The following DNAH2 variants were observed in gnomAD, a reference collection of about 807,000 sequenced individuals.
DNAH2 encodes dynein axonemal heavy chain 2, also known as axonemal beta dynein heavy chain 2.
DNAH2 carries 323 observed loss-of-function variants against 523.5 expected under a neutral mutation model. The observed-to-expected ratio is 0.62, with a 90% CI of 0.56 to 0.68. DNAH2 has a LOEUF of 0.68. Ranked by LOEUF, DNAH2 falls within the 30% of genes least tolerant of loss-of-function variation. The pLI is 0.00. For synonymous variants in DNAH2, 2,093 were observed against 2,177.4 expected (o/e 0.96, Z 1.08); for missense variants, 4,907 against 5,701.5 (o/e 0.86, Z 4.49).
chr17:7,764,524 G>A (rs1434046918), intron 20 of DNAH2, among the ~76,000 whole-genome samples: 1 of 146,332 alleles, frequency 6.8e-6, no homozygotes, highest in East Asian at 2.1e-4. Flanking sequence ...GCAGTGGCAC[G>A]ATCTTGGCCT....
chr17:7,779,534 T>C (rs1310529341), intron 36 of DNAH2, 111 bp downstream of exon 36: 1 of 1,201,188 alleles, frequency 8.3e-7, no homozygotes, highest in Non-Finnish European at 1.2e-6. Flanking sequence ...TATAGCTAAG[T>C]GAAGTCTGGC....
rs369805347 is a variant in DNAH2 at position 7,734,575 on chromosome 17, G to A, written c.845G>A (p.Arg282His). ...CCTCTGGAGGAGATTGAGTTCTGGC[G>A]CAACCGATGCATGGACCTGTCTGGC... ...LGPLEEIEFW[R>H]NRCMDLSGIS... The change falls in exon 7 of 86, where the codon CGC becomes CAC. Residue 282 changes from arginine to histidine, a missense_variant. Physicochemically the swap from Arg to His is conservative, Grantham distance 29. Around this residue, in one of 3 missense-constraint regions of DNAH2, gnomAD observed 2,806 missense variants for 3,190.8 expected, o/e 0.88. Coordinates refer to ENST00000572933, the MANE Select transcript of DNAH2 (RefSeq NM_020877.5). 19 of 1,613,674 alleles carry A rather than the reference G, an allele frequency of 1.2e-5. No homozygotes were observed. The highest frequency in any genetic ancestry group is 1.6e-4 in the Middle Eastern group (1 of 6,084).
rs1480086733 is a variant in DNAH2 at position 7,775,342 on chromosome 17, G to C, written c.4821G>C (p.Glu1607Asp). Residue 1607 changes from glutamate (E) to aspartate (D), a missense_variant and splice_region_variant, in exon 30 of 86, where the codon GAG becomes GAC. By Grantham distance (45) the Glu-to-Asp change is conservative. This residue lies in a region of DNAH2 where 2,806 missense variants were observed against 3,190.8 expected (regional missense o/e 0.88). Transcript: ENST00000572933. ...CAGTATTTTTAGAAGGCCCTGTGGA[G>C]GTGAGTTGTGGTGAGGGTCTGAGGA... ...LHSVFLEGPV[E>D]SWLGDVEQTM... The C allele has an allele frequency of 6.2e-7, 1 of 1,608,062 alleles. No homozygotes were observed. The highest frequency in any genetic ancestry group is 8.5e-7 in the Non-Finnish European group (1 of 1,176,766).
At chr17:7,778,023 C>A in intron 33 of DNAH2, 54 bp from the exon 34 acceptor site, 4 of 1,497,966 alleles carry the variant, frequency 2.7e-6, no homozygotes, top group Non-Finnish European at 2.8e-6. Context: ...ATTGTCCCAG[C>A]TCTAACTCTC....
chr17:7,803,984 G>T (rs1312460253), intron 58 of DNAH2, among the ~76,000 whole-genome samples: 1 of 152,240 alleles, frequency 6.6e-6, no homozygotes, highest in Non-Finnish European at 1.5e-5. Flanking sequence ...AGGGGAGGTG[G>T]TGTGATGGAG....
chr17:7,741,293 T>TTCCTTC, intron 11 of DNAH2, among the ~76,000 whole-genome samples: 1 of 61,550 alleles, frequency 1.6e-5, no homozygotes, highest in Non-Finnish European at 2.9e-5. Flanking sequence ...TTTCTTTCTT[T>TTCCTTC]CTTCCTTCCT....
chr17:7,770,947 G>A lies in DNAH2; in HGVS notation c.4362+14G>A, dbSNP rs375931465. The A allele has an allele frequency of 1.4e-5, 22 of 1,610,060 alleles. No individual in the cohort carries two copies. Among genetic ancestry groups the A allele is most frequent in the South Asian group, 5.5e-5 (5 of 90,736 alleles). On this transcript the variant is annotated intron_variant, in intron 27 of 85. Coordinates refer to ENST00000572933, the MANE Select transcript of DNAH2 (RefSeq NM_020877.5). ...ATGTACTTAGAGGTCAGGACTCAGC[G>A]CCTGAGCTCTTCCTGCTTCCTGCTC... is the stretch of plus-strand genomic sequence containing the variant.
chr17:7,830,744 CT>C lies in DNAH2; in HGVS notation c.12133del (p.Tyr4045MetfsTer14). The C allele has an allele frequency of 6.2e-7, 1 of 1,614,184 alleles. No individual in the cohort carries two copies. Among genetic ancestry groups the C allele is most frequent in the Non-Finnish European group, 8.5e-7 (1 of 1,180,038 alleles). On this transcript the variant is annotated frameshift_variant, in exon 79 of 86. Transcript: ENST00000572933. LOFTEE classifies it high-confidence loss of function. ...ALKYLIAGIN[Y>X]GGHVTDDWDR... ...TTAAGTACCTCATTGCCGGCATCAA[CT>C]ATGGTGGACATGTCACAGATGACTG...
rs1456252221 is a variant in DNAH2, at chr17:7,824,625, T to A, written c.11751T>A (p.Asp3917Glu). Reference sequence around the variant, plus strand: ...TGGTGGAGCAGCTGCAGGTGGAGGATCCTCATCCATCCTTCCGCCTCTGGC... The same window carrying A: ...TGGTGGAGCAGCTGCAGGTGGAGGAACCTCATCCATCCTTCCGCCTCTGGC... Reference protein sequence around the residue: ...DKLVEQLQVEDPHPSFRLWLS... With the variant: ...DKLVEQLQVEEPHPSFRLWLS... The change falls in exon 77 of 86, where the codon GAT (aspartate) becomes GAA (glutamate). Residue 3917 changes from aspartate (D) to glutamate (E), a missense_variant. Around this residue, in one of 3 missense-constraint regions of DNAH2, gnomAD observed 1,851 missense variants for 2,139.4 expected, o/e 0.87. Coordinates refer to ENST00000572933, the MANE Select transcript of DNAH2 (RefSeq NM_020877.5). The A allele has an allele frequency of 6.2e-7, 1 of 1,608,980 alleles. No homozygotes were observed. The highest frequency in any genetic ancestry group is 1.7e-5 in the Admixed American group (1 of 59,716).
chr17:7,760,659 T>C lies in DNAH2; in HGVS notation c.2786-81T>C, dbSNP rs1363313804. On this transcript the variant is annotated intron_variant, in intron 17 of 85. Coordinates refer to ENST00000572933, the MANE Select transcript of DNAH2 (RefSeq NM_020877.5). This position sits in a 1 kb window ranked among gnomAD's most constrained non-coding sequence, Gnocchi z 4.0. ...GGGAAGCTGGTTTTAGAGTGGAAGGTCTGGAGCAGTGGGCAGGGCTCAGGC... is the reference window on the plus strand; with the variant it reads ...GGGAAGCTGGTTTTAGAGTGGAAGGCCTGGAGCAGTGGGCAGGGCTCAGGC... 5.8e-6 allele frequency: 8 copies of C among 1,390,474 alleles called. No individual in the cohort carries two copies. Among genetic ancestry groups the C allele is most frequent in the Non-Finnish European group, 2.0e-6 (2 of 1,012,430 alleles). The allele number at this position is 1,390,474 out of a possible 1,614,324, so 86.1% of individuals were successfully genotyped here. A position where few individuals can be genotyped will look rare whatever the true frequency, so the allele number is the denominator to read the frequency against.
At chr17:7,771,873 C>A in intron 28 of DNAH2, among the ~76,000 whole-genome samples, 1 of 151,976 alleles carries the variant, frequency 6.6e-6, no homozygotes, top group East Asian at 1.9e-4. Flanking sequence ...TGTGCCACTA[C>A]CTCTGGCTAA....
At chr17:7,742,807 C>T in intron 11 of DNAH2, 121 bp from the exon 12 acceptor site, 2 of 581,960 alleles carry the variant, frequency 3.4e-6, no homozygotes, top group Non-Finnish European at 5.2e-6. Flanking sequence ...ATCTCCATAG[C>T]AAGCCTTATG....
In DNAH2 at chr17:7,719,702, C is replaced by A. The variant is rs2074537546; in HGVS notation, c.-14-19C>A. ...GGGTGGTATCTGCTTGTAGACTCTCCACTCCTGTATACCTGTAGGTTTTGC... is the reference window on the plus strand; with the variant it reads ...GGGTGGTATCTGCTTGTAGACTCTCAACTCCTGTATACCTGTAGGTTTTGC... On this transcript the variant is annotated intron_variant, in intron 1 of 85. Transcript: ENST00000572933. The A allele has an allele frequency of 6.2e-7, 1 of 1,614,088 alleles. No homozygotes were observed. Among genetic ancestry groups the A allele is most frequent in the South Asian group, 1.1e-5 (1 of 91,056 alleles).
At chr17:7,769,932 A>G (rs2076269793) in intron 24 of DNAH2, among the ~76,000 whole-genome samples, 1 of 152,212 alleles carries the variant, frequency 6.6e-6, no homozygotes, top group Admixed American at 6.5e-5. Flanking sequence ...TTCCTAATTT[A>G]TAGAGTAGCC....
Position 7,773,761 on chromosome 17 carries a change from G to A in DNAH2, c.4502-998G>A, listed in dbSNP as rs867352170. Among the ~76,000 whole-genome samples, 3 of 151,550 alleles carry A rather than the reference G, an allele frequency of 2.0e-5. No individual in the cohort carries two copies. In the East Asian group the frequency reaches 5.8e-4, roughly 29 times the overall value. The stretch of plus-strand genomic sequence containing the variant: ...CTTTTTTTTTTTGAGACGGAGTCTC[G>A]CTCTGTCGCCCAGGCTGGAGTGCGG... On this transcript the variant is annotated intron_variant, in intron 28 of 85. Coordinates refer to ENST00000572933, the MANE Select transcript of DNAH2 (RefSeq NM_020877.5).
intron 15 of DNAH2, 44 bp downstream of exon 15, chr17:7,759,168 G>A (rs779577111): frequency 1.9e-6 from 3 of 1,608,764 alleles, no homozygotes; most frequent in Non-Finnish European, 2.5e-6. Context: ...AAAAACCACA[G>A]TCCCCCAGTT....
At chr17:7,741,232 C>CTT (rs1555540599) in intron 11 of DNAH2, among the ~76,000 whole-genome samples, 87 of 119,410 alleles carry the variant, frequency 7.3e-4, no homozygotes, top group Non-Finnish European at 8.8e-4. Flanking sequence ...TTTTTTTTCT[C>CTT]TCTCTCTTTC....
chr17:7,786,073 T>G lies in DNAH2; in HGVS notation c.6130-51T>G, dbSNP rs2076724483. ...GCACCGGGGAGATTTTGAAAGCCCT[T>G]TAAAGGCCTCATCCTTTTTCTTCTG... On this transcript the variant is annotated intron_variant, in intron 39 of 85. Coordinates refer to ENST00000572933, the MANE Select transcript of DNAH2 (RefSeq NM_020877.5). This position sits in a 1 kb window ranked among gnomAD's most constrained non-coding sequence, Gnocchi z 7.5. 6.3e-7 allele frequency: 1 copy of G among 1,597,898 alleles called. No individual in the cohort carries two copies. Among genetic ancestry groups the G allele is most frequent in the Admixed American group, 1.7e-5 (1 of 59,700 alleles).
Position 7,780,656 on chromosome 17 carries a change from C to T in DNAH2, c.5877C>T (p.Leu1959=). The stretch of plus-strand genomic sequence containing the variant: ...TTCTGGCCAAGAAGGTGTACACACT[C>T]TACTCACTGGCTGTGCAGCAGCTGT... ...CKILAKKVYT[L]YSLAVQQLSR... Residue 1959 remains leucine (L), a synonymous_variant, in exon 38 of 86, where the codon CTC becomes CTT. Transcript: ENST00000572933. The surrounding 1 kb of genome is among the most constrained non-coding windows in gnomAD (Gnocchi z 4.4). The T allele has an allele frequency of 6.2e-7, 1 of 1,614,186 alleles. No homozygotes were observed. Among genetic ancestry groups the T allele is most frequent in the Admixed American group, 1.7e-5 (1 of 60,024 alleles).
Sources: gnomAD v4.1 joint callset for allele counts (sites outside exome capture counted in the v4.1 genomes callset) on GRCh38, gnomAD v4.1.1 for gene constraint, gnomAD v4.1.1 regional missense constraint, Gnocchi (gnomAD v3.1) non-coding constraint, MANE v1.5 for transcripts, NCBI Gene and HGNC (gene_info 2026-07-23, HGNC 2026-07-21) for gene names.